PDGFB: variants seen among roughly 807,000 people sequenced by gnomAD.
PDGFB encodes platelet-derived growth factor subunit B.
A neutral mutation model predicts 29.0 loss-of-function variants in PDGFB; 6 were observed. The observed-to-expected ratio is 0.21, with a 90% confidence interval of 0.11 to 0.41. The LOEUF (loss-of-function observed/expected upper bound fraction) is 0.41. Ranked by LOEUF, PDGFB falls within the 10% of genes least tolerant of loss-of-function variation. The pLI is 1.00. For missense variants in PDGFB, 299 were observed against 341.8 expected, an observed-to-expected ratio of 0.87 and a Z score of 0.99; for synonymous variants, 144 against 140.8, an observed-to-expected ratio of 1.02 and a Z score of -0.16.
At position 39,244,524 on chromosome 22, in the gene PDGFB, G is replaced by C. The variant is rs1486386412; in HGVS notation, c.-561C>G. The C allele has an allele frequency of 1.2e-5, 2 of 171,102 alleles. No individual in the cohort carries two copies. Among genetic ancestry groups the C allele is most frequent in the Non-Finnish European group, 2.5e-5 (2 of 78,906 alleles). The allele number at this position is 171,102 out of a possible 1,614,324, so 10.6% of individuals were successfully genotyped here. A position where few individuals can be genotyped will look rare whatever the true frequency, so the allele number is the denominator to read the frequency against. On this transcript the variant is annotated 5_prime_UTR_variant, in exon 1 of 7. Coordinates refer to ENST00000331163, the MANE Select transcript of PDGFB (RefSeq NM_002608.4). This position sits in a 1 kb window ranked among gnomAD's most constrained non-coding sequence, Gnocchi z 4.5. ...ACGGCAGCTCGAGCACCCGGGCAGG[G>C]AGAGGTGCAAACTCCCGCCCGGGCC...
At position 39,231,514 on chromosome 22, in the gene PDGFB, G is replaced by A. The variant is rs146812816; in HGVS notation, c.456+108C>T. 7.3e-5 allele frequency: 60 copies of A among 824,458 alleles called. No homozygotes were observed. The African/African-American group carries it at 7.7e-4, about 11-fold the overall frequency. The allele number at this position is 824,458 out of a possible 1,614,324, so 51.1% of individuals were successfully genotyped here. On this transcript the variant is annotated intron_variant, in intron 4 of 6. Coordinates refer to ENST00000331163, the MANE Select transcript of PDGFB (RefSeq NM_002608.4). This position sits in a 1 kb window ranked among gnomAD's most constrained non-coding sequence, Gnocchi z 4.3. The stretch of plus-strand genomic sequence containing the variant: ...CAGGAACAAATCAGGAATGTCCTTC[G>A]ACACACCACTCTGCCCAGTCAAGGA...
chr22:39,233,457 C>G lies in PDGFB; in HGVS notation c.228G>C (p.Leu76Phe). 1.9e-6 allele frequency: 3 copies of G among 1,593,490 alleles called. No individual in the cohort carries two copies. Among genetic ancestry groups the G allele is most frequent in the South Asian group, 2.3e-5 (2 of 88,038 alleles). The change falls in exon 3 of 7, where the codon TTG (leucine) becomes TTC (phenylalanine). Residue 76 changes from leucine to phenylalanine, a missense_variant. Coordinates refer to ENST00000331163, the MANE Select transcript of PDGFB (RefSeq NM_002608.4). Reference sequence around the variant, plus strand: ...TACCCAGGCTCCTTCTTCCACGAGCCAAGCTCTCCAGCTCGCCTCCAGAGT... The same window carrying G: ...TACCCAGGCTCCTTCTTCCACGAGCGAAGCTCTCCAGCTCGCCTCCAGAGT... ...RSHSGGELESLARGRRSLGSL... is the reference protein window; with the variant it reads ...RSHSGGELESFARGRRSLGSL...
At chr22:39,241,075 A>C in intron 1 of PDGFB, 2 of 635,048 alleles carry the variant, frequency 3.1e-6, no homozygotes, top group Non-Finnish European at 2.8e-6. Flanking sequence ...GCAAAGCCAG[A>C]GGAAGCTGGA....
intron 4 of PDGFB, among the ~76,000 whole-genome samples, chr22:39,230,835 G>C (rs1032881465): frequency 3.9e-5 from 6 of 152,248 alleles, no homozygotes; most frequent in African/African-American, 1.4e-4. Flanking sequence ...GCAAGGGCCG[G>C]TGCTGAGCTA....
chr22:39,236,209 T>G lies in PDGFB; in HGVS notation c.64-335A>C, dbSNP rs889431959. 5.3e-5 allele frequency among the ~76,000 whole-genome samples: 8 copies of G among 152,198 alleles called. 1 individual carries two copies. In the East Asian group the frequency reaches 1.5e-3, roughly 29 times the overall value. Reference sequence around the variant, plus strand: ...CCAAAATCTGATTTCTCCCTGAGTCTCACAACACACCTGACAGCTGAAGAC... The same window carrying G: ...CCAAAATCTGATTTCTCCCTGAGTCGCACAACACACCTGACAGCTGAAGAC... On this transcript the variant is annotated intron_variant, in intron 1 of 6. Transcript: ENST00000331163.
At chr22:39,225,904 CCA>C in intron 5 of PDGFB, 57 bp from the exon 6 acceptor site, 1 of 1,563,074 alleles carries the variant, frequency 6.4e-7, no homozygotes, top group Non-Finnish European at 8.7e-7. Context: ...AGGTCTCTCC[CCA>C]CTGACCAAGG....
rs1455246995 is a variant in PDGFB at position 39,242,807 on chromosome 22, G to C, written c.63+1094C>G. ...CCGGGAGCCGGCGAGGTGCGGGCGA[G>C]GTGCGGACTCCCGGCCGCAGCCGGG... On this transcript the variant is annotated intron_variant, in intron 1 of 6. Transcript: ENST00000331163. This position sits in a 1 kb window ranked among gnomAD's most constrained non-coding sequence, Gnocchi z 5.7. 1 of 231,184 alleles carries C rather than the reference G, an allele frequency of 4.3e-6. No homozygotes were observed. Among genetic ancestry groups the C allele is most frequent in the Non-Finnish European group, 8.6e-6 (1 of 116,774 alleles). The allele number at this position is 231,184 out of a possible 1,614,324, so 14.3% of individuals were successfully genotyped here.
At position 39,230,329 on chromosome 22, in the gene PDGFB, AATCTTTCCTCGAAAGCCC is replaced by A. The variant is rs1310317329; in HGVS notation, c.457-119_457-102del. The A allele has an allele frequency of 1.0e-4, 124 of 1,234,904 alleles. No homozygotes were observed. In the African/African-American group the frequency reaches 1.7e-3, roughly 17 times the overall value. The allele number at this position is 1,234,904 out of a possible 1,614,324, so 76.5% of individuals were successfully genotyped here. On this transcript the variant is annotated intron_variant, in intron 4 of 6. Coordinates refer to ENST00000331163, the MANE Select transcript of PDGFB (RefSeq NM_002608.4). ...TTCCCACCCCGGTGTCCCCTGCAGC[AATCTTTCCTCGAAAGCCC>A]GGAGAGCAGGCTGTGGGGCAAAAGC...
intron 5 of PDGFB, 94 bp from the exon 6 acceptor site, chr22:39,225,941 G>A: frequency 7.0e-7 from 1 of 1,429,894 alleles, no homozygotes; most frequent in East Asian, 2.4e-5. Flanking sequence ...TCTGGGCTCA[G>A]GAAAGGGACA....
At chr22:39,232,913 A>C (rs1375969097) in intron 3 of PDGFB, among the ~76,000 whole-genome samples, 1 of 152,174 alleles carries the variant, frequency 6.6e-6, no homozygotes, top group Non-Finnish European at 1.5e-5. Flanking sequence ...TTTCTCTGGG[A>C]CCTAATGATC....
intron 1 of PDGFB, among the ~76,000 whole-genome samples, chr22:39,240,452 TG>T (rs1932540536): frequency 1.3e-5 from 2 of 152,174 alleles, no homozygotes; most frequent in African/African-American, 4.8e-5. Context: ...TGTCTAATCC[TG>T]GTAGCCCAAG....
intron 5 of PDGFB, among the ~76,000 whole-genome samples, chr22:39,228,893 A>AAAAAAAAAAATATATATAT (rs1184799325): frequency 2.4e-4 from 32 of 132,610 alleles, no homozygotes; most frequent in South Asian, 4.9e-4. Context: ...CCTCAAAAAA[A>AAAAAAAAAAATATATATAT]ATATATATAT....
At chr22:39,235,153 G>A (rs915848610) in intron 2 of PDGFB, among the ~76,000 whole-genome samples, 1 of 152,226 alleles carries the variant, frequency 6.6e-6, no homozygotes, top group Admixed American at 6.5e-5. Flanking sequence ...GTGACAAAGA[G>A]ACAGAACCCC....
intron 5 of PDGFB, 35 bp downstream of exon 5, chr22:39,230,049 A>C: frequency 6.2e-7 from 1 of 1,605,766 alleles, no homozygotes; most frequent in Non-Finnish European, 8.5e-7. Flanking sequence ...CTGCAGGGGA[A>C]GGGGGCTGAG....
Position 39,233,502 on chromosome 22 carries a change from G to A in PDGFB, c.183C>T (p.Asp61=), listed in dbSNP as rs1932363326. ...DPGEEDGAEL[D]LNMTRSHSGG... ...CAGAGTGGGAGCGGGTCATGTTCAG[G>A]TCCAACTCGGCCCCATCTTCCTCTG... The change falls in exon 3 of 7, where the codon GAC becomes GAT. Residue 61 remains aspartate, a synonymous_variant. Transcript: ENST00000331163. 6.3e-7 allele frequency: 1 copy of A among 1,591,938 alleles called. No homozygotes were observed.
Position 39,243,936 on chromosome 22 carries a change from A to G in PDGFB, c.28T>C (p.Ser10Pro). ...ACCAGACGCAGGTAGCAGCAGAGAG[A>G]CAGGAAGAGCGCCCAGCAGCGATTC... MNRCWALFLSLCCYLRLVSA... is the reference protein window; with the variant it reads MNRCWALFLPLCCYLRLVSA... The change falls in exon 1 of 7, where the codon TCT (serine) becomes CCT (proline). Residue 10 changes from serine (S) to proline (P), a missense_variant. By Grantham distance (74) the Ser-to-Pro change is moderately conservative. Transcript: ENST00000331163. This position sits in a 1 kb window ranked among gnomAD's most constrained non-coding sequence, Gnocchi z 6.4. The G allele has an allele frequency of 6.2e-7, 1 of 1,600,572 alleles. No homozygotes were observed. Among genetic ancestry groups the G allele is most frequent in the Non-Finnish European group, 8.5e-7 (1 of 1,173,132 alleles).
intron 5 of PDGFB, among the ~76,000 whole-genome samples, chr22:39,227,595 G>C (rs1241037468): frequency 6.6e-6 from 1 of 152,234 alleles, no homozygotes; most frequent in Non-Finnish European, 1.5e-5. Flanking sequence ...CTGAAGCAGA[G>C]AGACTGGGAT....
At chr22:39,234,828 C>T (rs1932401157) in intron 2 of PDGFB, among the ~76,000 whole-genome samples, 1 of 152,188 alleles carries the variant, frequency 6.6e-6, no homozygotes, top group Admixed American at 6.5e-5. Flanking sequence ...GAGGGGCCGT[C>T]TGAGGGTGGG....
intron 1 of PDGFB, chr22:39,240,854 C>A (rs144859499): frequency 1.2e-6 from 2 of 1,613,654 alleles, no homozygotes; most frequent in South Asian, 1.1e-5. Context: ...GAGGTACTTA[C>A]GAGGCCCATG....
Sources: allele counts gnomAD v4.1 joint callset (sites outside exome capture counted in the v4.1 genomes callset), GRCh38; gene constraint gnomAD v4.1.1; non-coding constraint Gnocchi (gnomAD v3.1); transcripts MANE v1.5; gene names NCBI Gene and HGNC (gene_info 2026-07-23, HGNC 2026-07-21).